CFAP61: variants seen among roughly 807,000 people sequenced by gnomAD.
CFAP61 encodes the protein cilia- and flagella-associated protein 61.
A neutral mutation model predicts 135.6 loss-of-function variants in CFAP61; 107 were observed. The observed-to-expected ratio is 0.79, with a 90% CI of 0.67 to 0.93. CFAP61 has a LOEUF of 0.93. CFAP61 is among the 40% of genes least tolerant of loss of function. CFAP61 has a pLI of 0.00. For missense variants in CFAP61, 1,507 were observed against 1,556.2 expected (o/e 0.97, Z 0.53); for synonymous variants, 575 against 578.5 (o/e 0.99, Z 0.09).
At chr20:20,074,953 A>G (rs1490531200) in intron 4 of CFAP61, among the ~76,000 whole-genome samples, 1 of 152,186 alleles carries the variant, frequency 6.6e-6, no homozygotes, top group Non-Finnish European at 1.5e-5. Context: ...GGCACCCTTT[A>G]TTCTCTCTGC....
intron 16 of CFAP61, among the ~76,000 whole-genome samples, chr20:20,199,559 A>G (rs1455498003): frequency 6.6e-6 from 1 of 152,132 alleles, no homozygotes; most frequent in Non-Finnish European, 1.5e-5. Context: ...TAGTAATGTA[A>G]TTACTCTCGT....
At chr20:20,166,524 A>T in intron 12 of CFAP61, 88 bp downstream of exon 12, 1 of 1,030,264 alleles carries the variant, frequency 9.7e-7, no homozygotes, top group Non-Finnish European at 1.5e-6. Context: ...TTATGCTGTG[A>T]ATGTTGAGGT....
Position 20,324,539 on chromosome 20 carries a change from A to G in CFAP61, c.3423-17292A>G, listed in dbSNP as rs138342995. Among the ~76,000 whole-genome samples, 102 of 152,266 alleles carry G rather than the reference A, an allele frequency of 6.7e-4. 3 individuals are homozygous for G. Among genetic ancestry groups the G allele is most frequent in the African/African-American group, 2.2e-3 (91 of 41,544 alleles). On this transcript the variant is annotated intron_variant, in intron 25 of 26. Transcript: ENST00000245957. ...CTAATGAACATTTAGGTTATTTTCA[A>G]GTTTGTCCTGGCATTGTATATAATG...
intron 13 of CFAP61, among the ~76,000 whole-genome samples, chr20:20,174,013 A>T (rs764326428): frequency 1.1e-4 from 16 of 152,066 alleles, no homozygotes; most frequent in Non-Finnish European, 2.2e-4. Flanking sequence ...GTCTTTCCAC[A>T]CTTGTCTGGG....
At chr20:20,173,613 C>G (rs2054389709) in intron 13 of CFAP61, among the ~76,000 whole-genome samples, 1 of 152,134 alleles carries the variant, frequency 6.6e-6, no homozygotes, top group African/African-American at 2.4e-5. Context: ...TGGGTTATTT[C>G]TGTTGAATTT....
intron 8 of CFAP61, among the ~76,000 whole-genome samples, chr20:20,122,046 A>G (rs761481473): frequency 2.6e-5 from 4 of 151,758 alleles, no homozygotes; most frequent in Non-Finnish European, 5.9e-5. Context: ...TGTTGCACCC[A>G]TCACCCAGGC....
At chr20:20,293,480 T>G (rs1335535399) in intron 24 of CFAP61, among the ~76,000 whole-genome samples, 1 of 152,210 alleles carries the variant, frequency 6.6e-6, no homozygotes, top group Non-Finnish European at 1.5e-5. Context: ...CTTTTGGGGT[T>G]GGAATTAATT....
chr20:20,064,365 C>T (rs1349584615), intron 2 of CFAP61, among the ~76,000 whole-genome samples: 2 of 152,184 alleles, frequency 1.3e-5, no homozygotes, highest in African/African-American at 4.8e-5. Context: ...AGAATTTTCA[C>T]CTTTTTGTGT....
intron 6 of CFAP61, among the ~76,000 whole-genome samples, chr20:20,083,161 A>G (rs1483008197): frequency 6.6e-6 from 1 of 152,236 alleles, no homozygotes; most frequent in African/African-American, 2.4e-5. Context: ...CTACTCAGCC[A>G]TAAAAATGAA....
intron 25 of CFAP61, among the ~76,000 whole-genome samples, chr20:20,315,770 C>T (rs1007519253): frequency 1.1e-4 from 17 of 152,260 alleles, no homozygotes; most frequent in African/African-American, 3.8e-4. Flanking sequence ...AGCCAGTTTT[C>T]CCAGCACCAT....
chr20:20,075,566 A>G lies in CFAP61; in HGVS notation c.517A>G (p.Ile173Val), dbSNP rs766207301. 2 of 1,614,178 alleles carry G rather than the reference A, an allele frequency of 1.2e-6. No individual in the cohort carries two copies. The highest frequency in any genetic ancestry group is 2.2e-5 in the East Asian group (1 of 44,882). ...LTYEEDFAVH[I>V]CHRHSHYPQL... ...GTATGAGGAAGACTTTGCAGTGCAT[A>G]TATGTCACAGGCACAGCCACTATCC... The change falls in exon 6 of 27, where the codon ATA (isoleucine) becomes GTA (valine). Residue 173 changes from isoleucine (I) to valine (V), a missense_variant. Coordinates refer to ENST00000245957, the MANE Select transcript of CFAP61 (RefSeq NM_015585.4).
intron 9 of CFAP61, among the ~76,000 whole-genome samples, chr20:20,158,117 G>A (rs575813205): frequency 1.3e-5 from 2 of 151,208 alleles, no homozygotes; most frequent in South Asian, 4.2e-4. Flanking sequence ...GGGAGGGATA[G>A]CATTGGGAGA....
intron 20 of CFAP61, among the ~76,000 whole-genome samples, chr20:20,252,931 G>A (rs922499033): frequency 1.2e-4 from 19 of 152,224 alleles, no homozygotes; most frequent in Admixed American, 1.1e-3. Context: ...AATTATTCTA[G>A]GGTGGGACCC....
Position 20,298,237 on chromosome 20 carries a change from T to C in CFAP61, c.3273T>C (p.Ile1091=). ...AKNGTYFRIH[I]NKYKMVETIT... ...ATGGGACTTACTTCCGAATTCATAT[T>C]AACAAGTATAAAATGGTGGAAACCA... The change falls in exon 25 of 27, where the codon ATT becomes ATC. Residue 1091 remains isoleucine, a synonymous_variant. Coordinates refer to ENST00000245957, the MANE Select transcript of CFAP61 (RefSeq NM_015585.4). 2 of 1,614,120 alleles carry C rather than the reference T, an allele frequency of 1.2e-6. No individual in the cohort carries two copies. The highest frequency in any genetic ancestry group is 1.7e-6 in the Non-Finnish European group (2 of 1,179,994).
At chr20:20,277,682 T>G (rs767624836) in intron 22 of CFAP61, among the ~76,000 whole-genome samples, 28 of 152,232 alleles carry the variant, frequency 1.8e-4, no homozygotes, top group Non-Finnish European at 4.0e-4. Context: ...GGTTTTTTAT[T>G]ATTATTTTAT....
At chr20:20,096,765 G>C (rs536318297) in intron 7 of CFAP61, among the ~76,000 whole-genome samples, 2 of 152,298 alleles carry the variant, frequency 1.3e-5, no homozygotes, top group East Asian at 3.9e-4. Flanking sequence ...AGACAACTGC[G>C]GCTATGCAGC....
intron 25 of CFAP61, chr20:20,322,810 T>C: frequency 1.0e-6 from 1 of 985,426 alleles, no homozygotes; most frequent in African/African-American, 1.7e-5. Flanking sequence ...GTTATTAATA[T>C]GGTAGGAAAG....
At chr20:20,081,002 A>G (rs1160010940) in intron 6 of CFAP61, among the ~76,000 whole-genome samples, 8 of 149,962 alleles carry the variant, frequency 5.3e-5, no homozygotes, top group African/African-American at 9.8e-5. Context: ...CTCCATCTCA[A>G]AAAAAAAAAG....
At chr20:20,145,559 C>G (rs1346703319) in intron 9 of CFAP61, among the ~76,000 whole-genome samples, 2 of 152,048 alleles carry the variant, frequency 1.3e-5, no homozygotes, top group Admixed American at 6.6e-5. Flanking sequence ...TTCCAAATGT[C>G]CCGATTAAAG....
Sources: gnomAD v4.1 joint callset for allele counts (sites outside exome capture counted in the v4.1 genomes callset) on GRCh38, gnomAD v4.1.1 for gene constraint, MANE v1.5 for transcripts, NCBI Gene and HGNC (gene_info 2026-07-23, HGNC 2026-07-21) for gene names.